UBA5: variants seen among roughly 807,000 people sequenced by gnomAD.
The protein encoded by UBA5 is ubiquitin like modifier activating enzyme 5, also known as ubiquitin-like modifier-activating enzyme 5.
A neutral mutation model predicts 52.9 loss-of-function variants in UBA5; 28 were observed. The ratio of observed to expected loss-of-function variants is 0.53; its 90% CI spans 0.39 to 0.73. The LOEUF is 0.73. Among genes scored for constraint, UBA5 ranks in the 30% least tolerant of loss-of-function variants. The pLI is 0.00. For missense variants in UBA5, 388 were observed against 492.7 expected (o/e 0.79, Z 2.01); for synonymous variants, 135 against 162.1 (o/e 0.83, Z 1.27).
Position 132,679,551 on chromosome 3 carries a change from A to G in UBA5, c.*3025A>G, listed in dbSNP as rs1161385547. Among the ~76,000 whole-genome samples the G allele has an allele frequency of 6.6e-6, 1 of 152,248 alleles. No individual in the cohort carries two copies. The highest frequency in any genetic ancestry group is 1.5e-5 in the Non-Finnish European group (1 of 68,040). On this transcript the variant is annotated 3_prime_UTR_variant, in exon 12 of 12. Coordinates refer to ENST00000356232, the MANE Select transcript of UBA5 (RefSeq NM_024818.6). The stretch of plus-strand genomic sequence containing the variant: ...TGTTTAAATTTCATTCTTTTGGAAT[A>G]CATAATTTTGAGTGATCATGTCTCC...
At chr3:132,669,766 C>G (rs190242199) in intron 4 of UBA5, among the ~76,000 whole-genome samples, 1 of 152,246 alleles carries the variant, frequency 6.6e-6, no homozygotes, top group African/African-American at 2.4e-5. Context: ...GGAAGTGAGG[C>G]TGAGTTGTAG....
At chr3:132,671,100 G>A in intron 6 of UBA5, 51 bp downstream of exon 6, 1 of 1,483,384 alleles carries the variant, frequency 6.7e-7, no homozygotes, top group South Asian at 1.1e-5. Context: ...CTGTTTTCCT[G>A]TATATTCTAT....
rs1281337745 is a variant in UBA5 at position 132,673,664 on chromosome 3, A to AC, written c.812+1488dup. 1.5e-4 allele frequency among the ~76,000 whole-genome samples: 21 copies of AC among 136,186 alleles called. 1 individual carries two copies. In the East Asian group the frequency reaches 5.1e-3, roughly 33 times the overall value. The allele number at this position is 136,186 out of a possible 152,430, so 89.3% of individuals were successfully genotyped here. On this transcript the variant is annotated intron_variant, in intron 8 of 11. Transcript: ENST00000356232. ...TGCCCAGCCTAGAGTTTTCTATAGT[A>AC]CTTTTTTTTTTTTTTTTAAACAGGG...
Position 132,671,877 on chromosome 3 carries a change from T to C in UBA5, c.680T>C (p.Phe227Ser). ...ATAATTCCTGGAGAATCTGCTTGTT[T>C]TGCGGTATGCATTATTCTTTTTGGA... ...QLIIPGESAC[F>S]ACAPPLVVAA... is the part of the protein sequence containing the mutation. Residue 227 changes from phenylalanine (F) to serine (S), a missense_variant, in exon 7 of 12, where the codon TTT becomes TCT. Phe to Ser is a radical substitution (Grantham distance 155). This residue lies in a region of UBA5 where 277 missense variants were observed against 326.4 expected (regional missense o/e 0.85). Transcript: ENST00000356232. The C allele has an allele frequency of 6.2e-7, 1 of 1,612,652 alleles. No homozygotes were observed. Among genetic ancestry groups the C allele is most frequent in the Non-Finnish European group, 8.5e-7 (1 of 1,179,492 alleles).
At position 132,660,790 on chromosome 3, in the gene UBA5, G is replaced by T. The variant is rs1343704660; in HGVS notation, c.161+92G>T. 6.9e-7 allele frequency: 1 copy of T among 1,450,948 alleles called. No individual in the cohort carries two copies. Among genetic ancestry groups the T allele is most frequent in the Non-Finnish European group, 9.1e-7 (1 of 1,098,708 alleles). The allele number at this position is 1,450,948 out of a possible 1,614,324, so 89.9% of individuals were successfully genotyped here. A position where few individuals can be genotyped will look rare whatever the true frequency, so the allele number is the denominator to read the frequency against. On this transcript the variant is annotated intron_variant, in intron 1 of 11. Coordinates refer to ENST00000356232, the MANE Select transcript of UBA5 (RefSeq NM_024818.6). The surrounding 1 kb of genome is among the most constrained non-coding windows in gnomAD (Gnocchi z 4.1). ...AGGCGCTTCCCACGTCCCGCTCATG[G>T]GGACGCCCGCCACCCTTTTCTTGGT...
In UBA5 at chr3:132,677,524, T is replaced by C. The variant is rs1350442192; in HGVS notation, c.*998T>C. 1 of 152,182 alleles carries C rather than the reference T, an allele frequency of 6.6e-6. No individual in the cohort carries two copies. The highest frequency in any genetic ancestry group is 1.5e-5 in the Non-Finnish European group (1 of 68,018). 9.4% of individuals were successfully genotyped at this position (152,182 alleles called of 1,614,324 possible). On this transcript the variant is annotated 3_prime_UTR_variant, in exon 12 of 12. Transcript: ENST00000356232. ...CACTAAACTGTAAATTGATATAAAT[T>C]AGTTTTCTCTCGAGTTACACCCAAG...
At chr3:132,665,912 A>C (rs1482703781) in intron 2 of UBA5, 44 bp downstream of exon 2, 1 of 1,611,614 alleles carries the variant, frequency 6.2e-7, no homozygotes, top group Admixed American at 1.7e-5. Context: ...TAATTCAGTA[A>C]ATTAAAATAA....
rs80075645 is a variant in UBA5, at chr3:132,665,396, A to C, written c.162-427A>C. Among the ~76,000 whole-genome samples the C allele has an allele frequency of 2.0e-5, 3 of 152,248 alleles. No homozygotes were observed. The East Asian group carries it at 5.8e-4, about 29-fold the overall frequency. Reference sequence around the variant, plus strand: ...CATACAGTAGGTGCTTACTAAAAGTATACATCATCTATTGTGGGCAGAGGC... The same window carrying C: ...CATACAGTAGGTGCTTACTAAAAGTCTACATCATCTATTGTGGGCAGAGGC... On this transcript the variant is annotated intron_variant, in intron 1 of 11. Transcript: ENST00000356232.
chr3:132,667,558 G>A (rs1408406726), intron 3 of UBA5: 1 of 152,204 alleles, frequency 6.6e-6, no homozygotes, highest in Non-Finnish European at 1.5e-5. Flanking sequence ...TAAATACGAA[G>A]TGAATTAATG....
At chr3:132,669,409 G>T (rs752187780) in intron 4 of UBA5, among the ~76,000 whole-genome samples, 5 of 152,022 alleles carry the variant, frequency 3.3e-5, no homozygotes, top group Non-Finnish European at 7.4e-5. Flanking sequence ...TAGGACTACA[G>T]GCACGTGCCA....
chr3:132,664,234 C>CA (rs1312101072), intron 1 of UBA5, among the ~76,000 whole-genome samples: 1 of 152,150 alleles, frequency 6.6e-6, no homozygotes, highest in African/African-American at 2.4e-5. Flanking sequence ...TGAAATTTTA[C>CA]AAGCTAGGAG....
chr3:132,675,537 A>G (rs1938799584), intron 9 of UBA5, 68 bp from the exon 10 acceptor site: 1 of 1,529,270 alleles, frequency 6.5e-7, no homozygotes, highest in Non-Finnish European at 8.9e-7. Flanking sequence ...GCCTGTCTGA[A>G]TTCTTGATTA....
intron 3 of UBA5, 194 bp downstream of exon 3, chr3:132,666,267 T>G (rs2107932626): frequency 1.8e-6 from 1 of 540,726 alleles, no homozygotes; most frequent in East Asian, 2.9e-5. Flanking sequence ...ATTGTCTAAT[T>G]GTGTTTAGAA....
intron 1 of UBA5, among the ~76,000 whole-genome samples, chr3:132,662,839 C>A (rs1938223984): frequency 6.6e-6 from 1 of 152,112 alleles, no homozygotes; most frequent in South Asian, 2.1e-4. Flanking sequence ...GTTGATTAAC[C>A]CAAACCGTTT....
At chr3:132,659,485 A>G, upstream of UBA5, 1 of 1,438,798 alleles carries the variant, frequency 7.0e-7, no homozygotes, top group Non-Finnish European at 9.4e-7. Context: ...GGGTGCGTCC[A>G]CTGACTGCAG....
At chr3:132,673,584 G>T (rs1338991901) in intron 8 of UBA5, among the ~76,000 whole-genome samples, 1 of 151,990 alleles carries the variant, frequency 6.6e-6, no homozygotes, top group Admixed American at 6.6e-5. Flanking sequence ...CTGAGCTCAA[G>T]TAATCTGCCC....
chr3:132,676,304 A>G lies in UBA5; in HGVS notation c.1132-139A>G. The G allele has an allele frequency of 3.1e-6, 2 of 647,538 alleles. No individual in the cohort carries two copies. The highest frequency in any genetic ancestry group is 5.2e-6 in the Non-Finnish European group (2 of 383,194). The allele number at this position is 647,538 out of a possible 1,614,324, so 40.1% of individuals were successfully genotyped here. ...TGTAAAAGACTCTGTCTTTCTTCTA[A>G]AAATTAGAAGATAGTTGTTAAAGAA... On this transcript the variant is annotated intron_variant, in intron 11 of 11. Coordinates refer to ENST00000356232, the MANE Select transcript of UBA5 (RefSeq NM_024818.6). This position sits in a 1 kb window ranked among gnomAD's most constrained non-coding sequence, Gnocchi z 4.1.
intron 3 of UBA5, chr3:132,668,274 A>C (rs1440008273): frequency 6.6e-6 from 1 of 152,172 alleles, no homozygotes; most frequent in Non-Finnish European, 1.5e-5. Flanking sequence ...ATTTGGAATA[A>C]TGTTTTAGCC....
Position 132,670,207 on chromosome 3 carries a change from T to C in UBA5, c.417T>C (p.Asn139=). 6.8e-7 allele frequency: 1 copy of C among 1,467,024 alleles called. No individual in the cohort carries two copies. The highest frequency in any genetic ancestry group is 9.5e-7 in the Non-Finnish European group (1 of 1,054,596). 90.9% of individuals were successfully genotyped at this position (1,467,024 alleles called of 1,614,324 possible). The change falls in exon 5 of 12, where the codon AAT becomes AAC. Residue 139 remains asparagine, a synonymous_variant. Coordinates refer to ENST00000356232, the MANE Select transcript of UBA5 (RefSeq NM_024818.6). ...QAAEHTLRNI[N]PDVLFEVHNY... is the part of the protein sequence containing the mutation. ...CCTTTTTCCTTCTTAGGAACATTAA[T>C]CCTGATGTTCTTTTTGAAGTACACA...
Sources: allele counts gnomAD v4.1 joint callset (sites outside exome capture counted in the v4.1 genomes callset), GRCh38; gene constraint gnomAD v4.1.1; regional missense constraint gnomAD v4.1.1; non-coding constraint Gnocchi (gnomAD v3.1); transcripts MANE v1.5; gene names NCBI Gene and HGNC (gene_info 2026-07-23, HGNC 2026-07-21).